Variants in ACVR1 observed in about 807,000 individuals in gnomAD.
ACVR1 encodes activin receptor type-1.
Under a neutral mutation model 57.1 loss-of-function variants are expected in ACVR1, and 38 were observed. The observed-to-expected ratio is 0.67, with a 90% CI of 0.51 to 0.87. The LOEUF (loss-of-function observed/expected upper bound fraction) is 0.87, where lower values mean the gene tolerates loss of function less well. Ranked by LOEUF, ACVR1 falls within the 40% of genes least tolerant of loss-of-function variation. ACVR1 has a pLI of 0.00. For synonymous variants in ACVR1, 212 were observed against 228.1 expected, an observed-to-expected ratio of 0.93 and a Z score of 0.63; for missense variants, 463 against 638.2, an observed-to-expected ratio of 0.73 and a Z score of 2.96.
intron 3 of ACVR1, among the ~76,000 whole-genome samples, chr2:157,787,031 A>AG (rs998851133): frequency 1.3e-5 from 2 of 151,912 alleles, no homozygotes; most frequent in African/African-American, 4.8e-5. Flanking sequence ...GCTGAAGCTG[A>AG]GAAAAAAAAA....
chr2:157,825,801 T>C (rs1364718817), intron 1 of ACVR1, among the ~76,000 whole-genome samples: 3 of 152,182 alleles, frequency 2.0e-5, no homozygotes, highest in Admixed American at 6.5e-5. Flanking sequence ...CAGCGAAGAA[T>C]CAGAGCATCT....
chr2:157,767,696 T>C (rs1685918114), intron 7 of ACVR1, among the ~76,000 whole-genome samples: 2 of 152,198 alleles, frequency 1.3e-5, no homozygotes, highest in East Asian at 3.8e-4. Flanking sequence ...CCCAACAAGC[T>C]GGTAAGAAAG....
chr2:157,801,537 T>C (rs1053616896), intron 2 of ACVR1, among the ~76,000 whole-genome samples: 1 of 152,192 alleles, frequency 6.6e-6, no homozygotes, highest in African/African-American at 2.4e-5. Flanking sequence ...CAATCTGACA[T>C]GAAACAATCT....
chr2:157,840,684 G>A (rs1688944428), intron 1 of ACVR1, among the ~76,000 whole-genome samples: 4 of 152,246 alleles, frequency 2.6e-5, no homozygotes, highest in Admixed American at 2.0e-4. Flanking sequence ...TGGTCCATCA[G>A]CTCCATGTCA....
chr2:157,839,255 G>A (rs748899055), intron 1 of ACVR1, among the ~76,000 whole-genome samples: 11 of 152,094 alleles, frequency 7.2e-5, no homozygotes, highest in Non-Finnish European at 8.8e-5. Flanking sequence ...GGCCTCTCTC[G>A]GGTCTCGCCT....
chr2:157,743,971 G>C (rs1461305133), intron 9 of ACVR1, among the ~76,000 whole-genome samples: 1 of 152,090 alleles, frequency 6.6e-6, no homozygotes, highest in Non-Finnish European at 1.5e-5. Flanking sequence ...GGTCACATTG[G>C]AAAAAGTACT....
intron 1 of ACVR1, among the ~76,000 whole-genome samples, chr2:157,830,441 C>T (rs1337241724): frequency 6.6e-6 from 1 of 152,074 alleles, no homozygotes; most frequent in Non-Finnish European, 1.5e-5. Flanking sequence ...AACAAACTTC[C>T]CCAAACCCTA....
intron 2 of ACVR1, among the ~76,000 whole-genome samples, chr2:157,815,332 CAG>C (rs1687894630): frequency 1.3e-5 from 2 of 151,996 alleles, no homozygotes; most frequent in Admixed American, 6.6e-5. Context: ...ACTTGGGAGA[CAG>C]AAAAGGGAGA....
chr2:157,737,328 C>T lies in ACVR1; in HGVS notation c.*203G>A. The T allele has an allele frequency of 3.1e-6, 2 of 654,394 alleles. No individual in the cohort carries two copies. The highest frequency in any genetic ancestry group is 2.2e-5 in the Admixed American group (1 of 44,556). 40.5% of individuals were successfully genotyped at this position (654,394 alleles called of 1,614,324 possible). Reference sequence around the variant, plus strand: ...TGCAGTGTGAACAGTTCGTGAAATGCCCAGTTCACAGTCATCGAGCGAGGT... The same window carrying T: ...TGCAGTGTGAACAGTTCGTGAAATGTCCAGTTCACAGTCATCGAGCGAGGT... On this transcript the variant is annotated 3_prime_UTR_variant, in exon 11 of 11. Coordinates refer to ENST00000434821, the MANE Select transcript of ACVR1 (RefSeq NM_001111067.4).
At chr2:157,868,427 G>C (rs1212929000) in intron 1 of ACVR1, among the ~76,000 whole-genome samples, 1 of 150,856 alleles carries the variant, frequency 6.6e-6, no homozygotes, top group African/African-American at 2.4e-5. Context: ...GGAAGTTGCA[G>C]TGAGCCGAGA....
intron 1 of ACVR1, among the ~76,000 whole-genome samples, chr2:157,832,381 C>A (rs559011931): frequency 2.3e-4 from 35 of 152,220 alleles, no homozygotes; most frequent in African/African-American, 8.2e-4. Flanking sequence ...AAGACAAAAA[C>A]GAGAAAGGAT....
intron 9 of ACVR1, among the ~76,000 whole-genome samples, chr2:157,756,307 A>G (rs1685423766): frequency 6.6e-6 from 1 of 152,078 alleles, no homozygotes; most frequent in African/African-American, 2.4e-5. Context: ...GCGAAGATAA[A>G]TAGGTGGGAC....
chr2:157,781,671 G>C (rs557259782), intron 3 of ACVR1, among the ~76,000 whole-genome samples: 29 of 152,278 alleles, frequency 1.9e-4, no homozygotes, highest in African/African-American at 6.3e-4. Flanking sequence ...AGGCAGAAAC[G>C]GATGATCAGG....
At chr2:157,793,678 T>TAAG (rs776563858) in intron 3 of ACVR1, among the ~76,000 whole-genome samples, 34 of 152,192 alleles carry the variant, frequency 2.2e-4, no homozygotes, top group Admixed American at 2.2e-3. Flanking sequence ...AATGTAATAC[T>TAAG]AAGAAGAAGA....
intron 1 of ACVR1, among the ~76,000 whole-genome samples, chr2:157,826,192 G>C (rs962067379): frequency 6.6e-6 from 1 of 152,162 alleles, no homozygotes; most frequent in African/African-American, 2.4e-5. Context: ...CTGGCATTTT[G>C]TTTCTCCTAG....
chr2:157,813,581 G>A (rs925404042), intron 2 of ACVR1, among the ~76,000 whole-genome samples: 2 of 152,122 alleles, frequency 1.3e-5, no homozygotes, highest in African/African-American at 4.8e-5. Context: ...CCCTTCCCAT[G>A]GAGAGGACCC....
At chr2:157,821,015 A>C (rs10211461) in intron 1 of ACVR1, among the ~76,000 whole-genome samples, 5,361 of 152,296 alleles carry the variant, frequency 0.035, 327 homozygotes, top group African/African-American at 0.12. Context: ...GTGGTGTACT[A>C]TAAGAAAGAC....
chr2:157,771,888 A>C (rs1431721143), intron 6 of ACVR1, among the ~76,000 whole-genome samples: 1 of 152,222 alleles, frequency 6.6e-6, no homozygotes, highest in East Asian at 1.9e-4. Flanking sequence ...ATTTGCCAGC[A>C]TTTATAGCTC....
intron 4 of ACVR1, among the ~76,000 whole-genome samples, chr2:157,778,685 CTG>C (rs1238878664): frequency 6.6e-6 from 1 of 152,210 alleles, no homozygotes; most frequent in Admixed American, 6.5e-5. Context: ...CTTACAGACA[CTG>C]TACTATCCTT....
Sources: gnomAD v4.1 joint callset for allele counts (sites outside exome capture counted in the v4.1 genomes callset) on GRCh38, gnomAD v4.1.1 for gene constraint, MANE v1.5 for transcripts, NCBI Gene and HGNC (gene_info 2026-07-23, HGNC 2026-07-21) for gene names.